SPIDR: variants seen among roughly 807,000 people sequenced by gnomAD.
SPIDR encodes DNA repair-scaffolding protein.
A neutral mutation model predicts 104.6 loss-of-function variants in SPIDR; 93 were observed. That is an observed-to-expected ratio of 0.89 (90% CI 0.75 to 1.06). The LOEUF is 1.06. SPIDR is among the 50% of genes least tolerant of loss of function. The pLI, the probability that SPIDR is intolerant of heterozygous loss-of-function variation, is 0.00. For synonymous variants in SPIDR, 431 were observed against 416.9 expected (o/e 1.03, Z -0.41); for missense variants, 1,154 against 1,111.2 (o/e 1.04, Z -0.55).
At chr8:47,303,733 T>A (rs1233910106) in intron 5 of SPIDR, among the ~76,000 whole-genome samples, 5 of 152,242 alleles carry the variant, frequency 3.3e-5, no homozygotes, top group Non-Finnish European at 7.3e-5. Context: ...ATGATCCTTT[T>A]AATGTGCTGT....
At chr8:47,658,790 G>T (rs943323237) in intron 10 of SPIDR, among the ~76,000 whole-genome samples, 7 of 151,442 alleles carry the variant, frequency 4.6e-5, no homozygotes, top group African/African-American at 1.7e-4. Flanking sequence ...CAAAAAATTA[G>T]CAGGGCGTGG....
At chr8:47,384,075 T>A (rs782486995) in intron 5 of SPIDR, among the ~76,000 whole-genome samples, 3 of 152,226 alleles carry the variant, frequency 2.0e-5, no homozygotes, top group Non-Finnish European at 4.4e-5. Context: ...AGAATTCACC[T>A]GAACAAAAAT....
intron 5 of SPIDR, among the ~76,000 whole-genome samples, chr8:47,338,617 G>C (rs1318472432): frequency 6.6e-6 from 1 of 152,038 alleles, no homozygotes; most frequent in Admixed American, 6.6e-5. Flanking sequence ...GATGGTGCCT[G>C]GACACTTTGA....
At chr8:47,389,668 G>A (rs1024248027) in intron 5 of SPIDR, among the ~76,000 whole-genome samples, 12 of 118,960 alleles carry the variant, frequency 1.0e-4, no homozygotes, top group African/African-American at 1.4e-4. Flanking sequence ...CAGCCTGGGC[G>A]ACAGAGCAAG....
chr8:47,312,231 A>C (rs1276438201), intron 5 of SPIDR, among the ~76,000 whole-genome samples: 1 of 152,140 alleles, frequency 6.6e-6, no homozygotes. Flanking sequence ...TTGGGTATAT[A>C]CCCAGTAATG....
intron 19 of SPIDR, among the ~76,000 whole-genome samples, chr8:47,730,210 G>A (rs984275172): frequency 6.6e-6 from 1 of 152,152 alleles, no homozygotes; most frequent in African/African-American, 2.4e-5. Context: ...TCTTAGTAAA[G>A]CAGGGTGGCT....
chr8:47,342,406 G>C (rs1314478399), intron 5 of SPIDR, among the ~76,000 whole-genome samples: 1 of 126,214 alleles, frequency 7.9e-6, no homozygotes, highest in Non-Finnish European at 1.6e-5. Flanking sequence ...GTGAGGTCTT[G>C]GCCCACTGCA....
At chr8:47,720,099 G>A (rs183881076) in intron 16 of SPIDR, among the ~76,000 whole-genome samples, 1 of 152,280 alleles carries the variant, frequency 6.6e-6, no homozygotes, top group East Asian at 1.9e-4. Flanking sequence ...TCATATAGTT[G>A]GAATCATGCA....
At chr8:47,506,470 T>A (rs1425741174) in intron 8 of SPIDR, among the ~76,000 whole-genome samples, 1 of 152,198 alleles carries the variant, frequency 6.6e-6, no homozygotes, top group African/African-American at 2.4e-5. Flanking sequence ...TAGGCAGTGT[T>A]CTGTCTTAGA....
chr8:47,353,822 G>A (rs2054013601), intron 5 of SPIDR, among the ~76,000 whole-genome samples: 1 of 151,916 alleles, frequency 6.6e-6, no homozygotes, highest in Non-Finnish European at 1.5e-5. Flanking sequence ...GCCAGCCCGG[G>A]TCAAGTTCAT....
chr8:47,566,983 CTAATA>C (rs2057935089), intron 8 of SPIDR, among the ~76,000 whole-genome samples: 1 of 152,046 alleles, frequency 6.6e-6, no homozygotes. Context: ...TGGTCAAACT[CTAATA>C]TATATAAGTC....
chr8:47,651,144 TCAAA>T (rs903568021), intron 10 of SPIDR, among the ~76,000 whole-genome samples: 18 of 151,940 alleles, frequency 1.2e-4, no homozygotes, highest in African/African-American at 3.4e-4. Flanking sequence ...GAAATAATCA[TCAAA>T]CAGACAACTC....
chr8:47,592,502 T>G, intron 8 of SPIDR: 1 of 1,421,558 alleles, frequency 7.0e-7, no homozygotes, highest in East Asian at 2.3e-5. Context: ...AATGACCACA[T>G]GAAAATAACA....
At chr8:47,648,500 A>C (rs1037170828) in intron 10 of SPIDR, among the ~76,000 whole-genome samples, 1 of 152,210 alleles carries the variant, frequency 6.6e-6, no homozygotes, top group East Asian at 1.9e-4. Flanking sequence ...AACAGAAGTC[A>C]GTGTCTGTTT....
rs532540895 is a variant in SPIDR at position 47,405,848 on chromosome 8, G to A, written c.777-2013G>A. On this transcript the variant is annotated intron_variant, in intron 6 of 19. Coordinates refer to ENST00000297423, the MANE Select transcript of SPIDR (RefSeq NM_001080394.4). Reference sequence around the variant, plus strand: ...AGGATTGTTGATTAGAGGACATGGTGTTTCCTAAGCTCAAGTTCTTAAGTT... The same window carrying A: ...AGGATTGTTGATTAGAGGACATGGTATTTCCTAAGCTCAAGTTCTTAAGTT... 4.1e-4 allele frequency among the ~76,000 whole-genome samples: 62 copies of A among 152,302 alleles called. 1 individual carries two copies. The highest frequency in any genetic ancestry group is 1.3e-3 in the African/African-American group (56 of 41,560).
chr8:47,345,440 A>T (rs906693845), intron 5 of SPIDR, among the ~76,000 whole-genome samples: 1 of 152,198 alleles, frequency 6.6e-6, no homozygotes, highest in Non-Finnish European at 1.5e-5. Flanking sequence ...TGACTTGGCA[A>T]TGCGGGCTCT....
At chr8:47,660,827 T>A (rs1054371471) in intron 10 of SPIDR, 7 of 394,638 alleles carry the variant, frequency 1.8e-5, no homozygotes, top group Non-Finnish European at 2.4e-5. Flanking sequence ...ACACCTGGCT[T>A]CAGGACTTAG....
chr8:47,474,106 C>G (rs1403719783), intron 8 of SPIDR, among the ~76,000 whole-genome samples: 1 of 152,138 alleles, frequency 6.6e-6, no homozygotes, highest in African/African-American at 2.4e-5. Flanking sequence ...ATCATGCTAT[C>G]TAGAATCCCT....
intron 8 of SPIDR, among the ~76,000 whole-genome samples, chr8:47,535,297 A>G (rs974443824): frequency 1.3e-5 from 2 of 152,234 alleles, no homozygotes; most frequent in Non-Finnish European, 2.9e-5. Flanking sequence ...AAACTTAAGG[A>G]AACACTTAAG....
Sources: allele counts gnomAD v4.1 joint callset (sites outside exome capture counted in the v4.1 genomes callset), GRCh38; gene constraint gnomAD v4.1.1; transcripts MANE v1.5; gene names NCBI Gene and HGNC (gene_info 2026-07-23, HGNC 2026-07-21).